MORN1: variants seen among roughly 807,000 people sequenced by gnomAD.
The protein encoded by MORN1 is MORN repeat-containing protein 1.
A neutral mutation model predicts 61.9 loss-of-function variants in MORN1; 67 were observed. The observed-to-expected ratio is 1.08, with a 90% CI of 0.89 to 1.33. MORN1 has a LOEUF of 1.33. Among genes scored for constraint, MORN1 ranks in the 40% most tolerant of loss-of-function variants. The pLI is 0.00. For synonymous variants in MORN1, 301 were observed against 292.0 expected (o/e 1.03, Z -0.31); for missense variants, 752 against 691.2 (o/e 1.09, Z -0.99).
chr1:2,388,409 G>A, intron 2 of MORN1, 72 bp from the exon 3 acceptor site: 1 of 1,227,448 alleles, frequency 8.1e-7, no homozygotes, highest in Non-Finnish European at 1.2e-6. Context: ...TGCAGTGTTG[G>A]GCCTGTTTCT....
chr1:2,325,140 C>CTTCCTTCCTTTCCTTCCT (rs371807562), intron 12 of MORN1, among the ~76,000 whole-genome samples: 54 of 6,640 alleles, frequency 8.1e-3, no homozygotes, highest in Non-Finnish European at 0.01. Context: ...CCTTCCCTCC[C>CTTCCTTCCTTTCCTTCCT]TCCCTCCCTT....
intron 10 of MORN1, among the ~76,000 whole-genome samples, chr1:2,341,812 C>T (rs565337863): frequency 3.9e-5 from 6 of 152,402 alleles, no homozygotes; most frequent in South Asian, 4.1e-4. Context: ...CAGCGCCCAC[C>T]GTCAGTGGAG....
chr1:2,387,195 C>G (rs1642518227), intron 4 of MORN1: 1 of 581,268 alleles, frequency 1.7e-6, no homozygotes, highest in Admixed American at 3.0e-5. Context: ...TAGCGGATGA[C>G]AGAGCTGCAT....
intron 6 of MORN1, chr1:2,375,728 G>C (rs908136640): frequency 6.6e-6 from 1 of 152,270 alleles, no homozygotes; most frequent in African/African-American, 2.4e-5. Flanking sequence ...TGGGCAGCCA[G>C]CTCGGGGTGC....
At chr1:2,333,320 G>T (rs756005688) in intron 12 of MORN1, among the ~76,000 whole-genome samples, 1 of 152,180 alleles carries the variant, frequency 6.6e-6, no homozygotes, top group Non-Finnish European at 1.5e-5. Context: ...CCCAGCAGCC[G>T]GGTCAGCCCC....
chr1:2,346,665 C>T (rs898852883), intron 10 of MORN1, among the ~76,000 whole-genome samples: 3 of 152,190 alleles, frequency 2.0e-5, no homozygotes, highest in African/African-American at 4.8e-5. Context: ...GGATTACAGG[C>T]GTGAGCCACC....
intron 12 of MORN1, among the ~76,000 whole-genome samples, chr1:2,324,661 G>C (rs898947270): frequency 6.6e-6 from 1 of 152,166 alleles, no homozygotes; most frequent in African/African-American, 2.4e-5. Context: ...ACTGGGAAAG[G>C]AGAGGTAGCA....
At chr1:2,390,559 T>C in intron 1 of MORN1, 1 of 985,348 alleles carries the variant, frequency 1.0e-6, no homozygotes, top group Non-Finnish European at 1.2e-6. Context: ...GCTCCCTCCC[T>C]ACCAGCTCCT....
rs1484712357 is a variant in MORN1 at position 2,337,487 on chromosome 1, C to T, written c.1037-637G>A. Among the ~76,000 whole-genome samples the T allele has an allele frequency of 6.6e-6, 1 of 152,190 alleles. No individual in the cohort carries two copies. Among genetic ancestry groups the T allele is most frequent in the Admixed American group, 6.5e-5 (1 of 15,286 alleles). ...CTTGCCCAACCTAGCTTTTTCCAGC[C>T]CCTCTCCCGGGGTCCCAGGGTGCGA... On this transcript the variant is annotated intron_variant, in intron 10 of 13. Transcript: ENST00000378531. This position sits in a 1 kb window ranked among gnomAD's most constrained non-coding sequence, Gnocchi z 5.7.
At chr1:2,379,691 TAA>T (rs1385111119) in intron 6 of MORN1, among the ~76,000 whole-genome samples, 1 of 152,242 alleles carries the variant, frequency 6.6e-6, no homozygotes, top group East Asian at 1.9e-4. Context: ...TGGTTATTGT[TAA>T]GAGGGCTAAA....
At chr1:2,369,678 A>G (rs1642073848) in intron 8 of MORN1, among the ~76,000 whole-genome samples, 1 of 151,914 alleles carries the variant, frequency 6.6e-6, no homozygotes, top group Non-Finnish European at 1.5e-5. Context: ...TCATGATGGC[A>G]TAAAAAGAAT....
chr1:2,358,779 C>T (rs780859026), intron 8 of MORN1, 64 bp from the exon 9 acceptor site: 20 of 1,549,012 alleles, frequency 1.3e-5, no homozygotes, highest in African/African-American at 1.2e-4. Flanking sequence ...TGCGCGGGCC[C>T]GGGGCAGGCT....
intron 10 of MORN1, chr1:2,352,188 TAA>T: frequency 4.6e-6 from 1 of 215,760 alleles, no homozygotes; most frequent in Non-Finnish European, 9.1e-6. Context: ...ATAGAGCAAT[TAA>T]AAAAAAAAGA....
rs559033255 is a variant in MORN1 at position 2,322,432 on chromosome 1, C to G, written c.1298-853G>C. On this transcript the variant is annotated intron_variant, in intron 13 of 13. Transcript: ENST00000378531. Reference sequence around the variant, plus strand: ...ACGCCGGCCTGGAAAACAGCGCTCCCCTCGCAGAGCGGCGGCCTCCTCGGC... The same window carrying G: ...ACGCCGGCCTGGAAAACAGCGCTCCGCTCGCAGAGCGGCGGCCTCCTCGGC... 5.9e-5 allele frequency: 58 copies of G among 985,428 alleles called. 1 individual carries two copies. In the African/African-American group the frequency reaches 9.1e-4, roughly 15 times the overall value. 61.0% of individuals were successfully genotyped at this position (985,428 alleles called of 1,614,324 possible).
chr1:2,321,605 T>C, intron 13 of MORN1, 26 bp from the exon 14 acceptor site: 1 of 1,455,144 alleles, frequency 6.9e-7, no homozygotes, highest in Non-Finnish European at 9.1e-7. Flanking sequence ...GGGCTGGTCC[T>C]CAGCAGGCTC....
intron 13 of MORN1, among the ~76,000 whole-genome samples, 173 bp from the exon 14 acceptor site, chr1:2,321,752 C>T (rs938549558): frequency 3.9e-5 from 6 of 152,154 alleles, no homozygotes; most frequent in Admixed American, 3.9e-4. Context: ...GGCCACCGGA[C>T]CGGTCCTGGG....
intron 6 of MORN1, among the ~76,000 whole-genome samples, chr1:2,381,988 G>A (rs1242575441): frequency 6.6e-6 from 1 of 152,178 alleles, no homozygotes; most frequent in East Asian, 1.9e-4. Context: ...CCCTTGCCTG[G>A]TCCTCTCTCT....
At chr1:2,363,046 T>C (rs1241742941) in intron 8 of MORN1, 1 of 152,114 alleles carries the variant, frequency 6.6e-6, no homozygotes, top group East Asian at 1.9e-4. Context: ...CACAGCAATG[T>C]GGGTCAACAG....
At chr1:2,358,266 C>G (rs906489518) in intron 9 of MORN1, among the ~76,000 whole-genome samples, 2 of 152,250 alleles carry the variant, frequency 1.3e-5, no homozygotes, top group African/African-American at 4.8e-5. Flanking sequence ...GCAGCCGACC[C>G]TCCTCCCAGG....
Sources: gnomAD v4.1 joint callset for allele counts (sites outside exome capture counted in the v4.1 genomes callset) on GRCh38, gnomAD v4.1.1 for gene constraint, Gnocchi (gnomAD v3.1) non-coding constraint, MANE v1.5 for transcripts, NCBI Gene and HGNC (gene_info 2026-07-23, HGNC 2026-07-21) for gene names.